PDGFD: variants seen among roughly 807,000 people sequenced by gnomAD.
PDGFD encodes platelet derived growth factor D, also known as platelet-derived growth factor D.
PDGFD carries 30 observed loss-of-function variants against 44.7 expected under a neutral mutation model. That is an observed-to-expected ratio of 0.67 (90% confidence interval 0.50 to 0.91). The LOEUF is 0.91. PDGFD is among the 40% of genes least tolerant of loss of function. PDGFD has a pLI of 0.00. For missense variants in PDGFD, 445 were observed against 457.8 expected (o/e 0.97, Z 0.25); for synonymous variants, 173 against 168.4 (o/e 1.03, Z -0.21).
chr11:104,082,133 C>CATATATAT lies in PDGFD; in HGVS notation c.124+81670_124+81671insATATATAT, dbSNP rs981551524. Among the ~76,000 whole-genome samples the CATATATAT allele has an allele frequency of 1.8e-3, 217 of 117,512 alleles. 13 individuals are homozygous for CATATATAT. The highest frequency in any genetic ancestry group is 5.5e-3 in the African/African-American group (138 of 25,300). The allele number at this position is 117,512 out of a possible 152,430, so 77.1% of individuals were successfully genotyped here. A position where few individuals can be genotyped will look rare whatever the true frequency, so the allele number is the denominator to read the frequency against. On this transcript the variant is annotated intron_variant, in intron 1 of 6. Coordinates refer to ENST00000393158, the MANE Select transcript of PDGFD (RefSeq NM_025208.5). ...ATTTTTGTTGATGTCCATATACATA[C>CATATATAT]ATACATATATATATATGAAAAACAA...
intron 1 of PDGFD, among the ~76,000 whole-genome samples, chr11:104,033,831 T>G (rs1234489532): frequency 6.6e-6 from 1 of 152,220 alleles, no homozygotes; most frequent in Non-Finnish European, 1.5e-5. Flanking sequence ...GTTTCCAAAC[T>G]CAGGGGAAAG....
At chr11:103,937,078 G>A (rs1565288967) in intron 5 of PDGFD, among the ~76,000 whole-genome samples, 1 of 152,000 alleles carries the variant, frequency 6.6e-6, no homozygotes, top group Non-Finnish European at 1.5e-5. Context: ...TGCCTACCTC[G>A]GCCTCCCAAA....
At chr11:104,070,993 T>C (rs1264711761) in intron 1 of PDGFD, among the ~76,000 whole-genome samples, 2 of 152,114 alleles carry the variant, frequency 1.3e-5, no homozygotes, top group Non-Finnish European at 2.9e-5. Flanking sequence ...GTTGTACCAA[T>C]GAATATTTCT....
At chr11:104,099,816 G>A (rs1861344691) in intron 1 of PDGFD, among the ~76,000 whole-genome samples, 1 of 151,796 alleles carries the variant, frequency 6.6e-6, no homozygotes, top group South Asian at 2.1e-4. Flanking sequence ...TGCAATTCTA[G>A]TATTTAATAT....
chr11:104,014,554 A>G (rs1248761492), intron 1 of PDGFD, among the ~76,000 whole-genome samples: 1 of 152,166 alleles, frequency 6.6e-6, no homozygotes, highest in Non-Finnish European at 1.5e-5. Context: ...GGGACCTCCT[A>G]CGGTAATCTA....
chr11:104,012,851 T>C (rs756274871), intron 1 of PDGFD, among the ~76,000 whole-genome samples: 9 of 152,210 alleles, frequency 5.9e-5, no homozygotes, highest in Non-Finnish European at 1.2e-4. Flanking sequence ...AAGAATGGCC[T>C]AAGAAAACCA....
At chr11:104,062,852 C>T (rs1860735302) in intron 1 of PDGFD, among the ~76,000 whole-genome samples, 1 of 152,172 alleles carries the variant, frequency 6.6e-6, no homozygotes, top group Non-Finnish European at 1.5e-5. Flanking sequence ...GATATGCAGC[C>T]TTCTCTAGAG....
intron 1 of PDGFD, among the ~76,000 whole-genome samples, chr11:104,107,257 C>T (rs2134450047): frequency 6.6e-6 from 1 of 152,248 alleles, no homozygotes; most frequent in Non-Finnish European, 1.5e-5. Context: ...AAACAAGAAG[C>T]ATCAAGGATA....
At chr11:104,054,567 T>C (rs934743142) in intron 1 of PDGFD, among the ~76,000 whole-genome samples, 21 of 152,164 alleles carry the variant, frequency 1.4e-4, no homozygotes, top group South Asian at 4.1e-4. Context: ...ATTTTTAGCA[T>C]CACGTCGGCA....
intron 1 of PDGFD, among the ~76,000 whole-genome samples, chr11:104,146,772 A>C (rs1244936443): frequency 6.6e-6 from 1 of 152,086 alleles, no homozygotes; most frequent in Non-Finnish European, 1.5e-5. Context: ...TCATTCAATC[A>C]TTCTGCAAAT....
At chr11:104,106,783 G>C (rs1294996562) in intron 1 of PDGFD, among the ~76,000 whole-genome samples, 3 of 147,730 alleles carry the variant, frequency 2.0e-5, no homozygotes, top group African/African-American at 7.5e-5. Flanking sequence ...TCACTCTGTT[G>C]CCCAGGTTGG....
rs543905516 is a variant in PDGFD at position 103,921,293 on chromosome 11, A to C, written c.987+5619T>G. On this transcript the variant is annotated intron_variant, in intron 6 of 6. Coordinates refer to ENST00000393158, the MANE Select transcript of PDGFD (RefSeq NM_025208.5). ...TTATGGTTAGGTATAATCATGACCC[A>C]AAAACTCCCTCCCTATTGCTAGAGA... Among the ~76,000 whole-genome samples the C allele has an allele frequency of 1.4e-3, 215 of 152,324 alleles. 4 individuals are homozygous for C. Among genetic ancestry groups the C allele is most frequent in the Non-Finnish European group, 1.5e-3 (104 of 68,032 alleles).
intron 1 of PDGFD, among the ~76,000 whole-genome samples, chr11:104,135,707 T>C (rs942508251): frequency 6.6e-6 from 1 of 152,158 alleles, no homozygotes; most frequent in South Asian, 2.1e-4. Flanking sequence ...TCAGTTCATA[T>C]GGGTGCCATT....
At chr11:104,086,988 A>C (rs937854787) in intron 1 of PDGFD, among the ~76,000 whole-genome samples, 1 of 151,280 alleles carries the variant, frequency 6.6e-6, no homozygotes, top group Non-Finnish European at 1.5e-5. Context: ...ATTGAAAGAA[A>C]GAACAGTTCC....
intron 3 of PDGFD, among the ~76,000 whole-genome samples, chr11:103,955,925 G>T (rs1422082430): frequency 6.6e-6 from 1 of 151,914 alleles, no homozygotes; most frequent in Non-Finnish European, 1.5e-5. Flanking sequence ...GAACTGCTAG[G>T]ATTCATTAAT....
rs138948065 is a variant in PDGFD, at chr11:104,044,660, C to A, written c.125-44405G>T. ...AAATGCTTTTAATCTGGCAAAGTTGCCAGTGGTTCCACTCCAAGGGCAATA... is the reference window on the plus strand; with the variant it reads ...AAATGCTTTTAATCTGGCAAAGTTGACAGTGGTTCCACTCCAAGGGCAATA... On this transcript the variant is annotated intron_variant, in intron 1 of 6. Transcript: ENST00000393158. Among the ~76,000 whole-genome samples, 31 of 152,254 alleles carry A rather than the reference C, an allele frequency of 2.0e-4. 1 individual carries two copies. In the East Asian group the frequency reaches 6.0e-3, roughly 29 times the overall value.
chr11:103,972,783 T>C (rs1420625849), intron 3 of PDGFD, among the ~76,000 whole-genome samples: 1 of 152,118 alleles, frequency 6.6e-6, no homozygotes, highest in East Asian at 1.9e-4. Context: ...CAAACGTGAG[T>C]AGAACTCATT....
At chr11:104,010,674 T>C (rs1298171787) in intron 1 of PDGFD, among the ~76,000 whole-genome samples, 1 of 152,132 alleles carries the variant, frequency 6.6e-6, no homozygotes, top group Non-Finnish European at 1.5e-5. Context: ...ATAACCATGG[T>C]AGATTTTATC....
intron 1 of PDGFD, among the ~76,000 whole-genome samples, chr11:104,117,544 C>A (rs576046568): frequency 6.6e-6 from 1 of 151,802 alleles, no homozygotes; most frequent in African/African-American, 2.4e-5. Flanking sequence ...TTTCCAGACA[C>A]AAAATTAATG....
Sources: allele counts gnomAD v4.1 joint callset (sites outside exome capture counted in the v4.1 genomes callset), GRCh38; gene constraint gnomAD v4.1.1; transcripts MANE v1.5; gene names NCBI Gene and HGNC (gene_info 2026-07-23, HGNC 2026-07-21).